AGMO: variants seen among roughly 807,000 people sequenced by gnomAD.
AGMO encodes the protein glyceryl-ether monooxygenase.
A neutral mutation model predicts 60.2 loss-of-function variants in AGMO; 75 were observed. The observed-to-expected ratio is 1.25, with a 90% CI of 1.03 to 1.51. AGMO has a LOEUF of 1.51. Ranked by LOEUF, AGMO falls within the 40% of genes most tolerant of loss-of-function variation. The pLI is 0.00. For synonymous variants in AGMO, 261 were observed against 177.1 expected (o/e 1.47, Z -3.76); for missense variants, 763 against 525.5 (o/e 1.45, Z -4.42).
the AGMO span, among the ~76,000 whole-genome samples, chr7:15,181,245 A>G: frequency 6.6e-6 from 1 of 152,222 alleles, no homozygotes; most frequent in Non-Finnish European, 1.5e-5. Context: ...AGGAGGTATC[A>G]TCTGGCTATT....
intron 12 of AGMO, among the ~76,000 whole-genome samples, chr7:15,349,892 T>G (rs1259748136): frequency 1.3e-5 from 2 of 152,270 alleles, no homozygotes; most frequent in South Asian, 4.1e-4. Context: ...TACCTCTTAC[T>G]GGGTCCCCTC....
chr7:15,153,345 A>C, the AGMO span, among the ~76,000 whole-genome samples: 4 of 152,086 alleles, frequency 2.6e-5, no homozygotes, highest in Non-Finnish European at 4.4e-5. Flanking sequence ...TTTTAGTTTA[A>C]TTAAGTTCCA....
At chr7:15,398,997 A>AAATGATAAT (rs1468335486) in intron 5 of AGMO, among the ~76,000 whole-genome samples, 1 of 152,172 alleles carries the variant, frequency 6.6e-6, no homozygotes, top group Non-Finnish European at 1.5e-5. Context: ...CTTTAATAGA[A>AAATGATAAT]AATGATAATT....
the AGMO span, among the ~76,000 whole-genome samples, chr7:15,168,973 T>C: frequency 7.2e-5 from 11 of 152,212 alleles, no homozygotes; most frequent in African/African-American, 2.7e-4. Context: ...GTTGGATTAA[T>C]GTTTTGACCT....
At chr7:15,469,569 A>G (rs1782390130) in intron 3 of AGMO, among the ~76,000 whole-genome samples, 1 of 152,170 alleles carries the variant, frequency 6.6e-6, no homozygotes, top group East Asian at 1.9e-4. Context: ...GCAAGAGGTC[A>G]TTTGAAATAG....
chr7:15,492,454 A>G (rs1043166605), intron 3 of AGMO, among the ~76,000 whole-genome samples: 2 of 151,958 alleles, frequency 1.3e-5, no homozygotes, highest in Non-Finnish European at 2.9e-5. Context: ...TATGGAGACC[A>G]GAAATAGAAT....
At chr7:15,216,735 A>T (rs1781747907) in intron 12 of AGMO, among the ~76,000 whole-genome samples, 1 of 152,098 alleles carries the variant, frequency 6.6e-6, no homozygotes, top group Non-Finnish European at 1.5e-5. Context: ...TGCTTACTGC[A>T]TGGGAGATTT....
chr7:15,531,817 C>T (rs906790727), intron 3 of AGMO, among the ~76,000 whole-genome samples: 1 of 150,448 alleles, frequency 6.6e-6, no homozygotes, highest in Non-Finnish European at 1.5e-5. Context: ...TACAGGTGCC[C>T]AACACCATGC....
rs913214758 is a variant in AGMO at position 15,519,612 on chromosome 7, A to G, written c.409+25160T>C. ...TTTACAGACAAGCAAATGCTGAGGG[A>G]TTTTGTCACCACCAGGCCTGCCTTA... On this transcript the variant is annotated intron_variant, in intron 3 of 12. Transcript: ENST00000342526. 3.9e-5 allele frequency among the ~76,000 whole-genome samples: 6 copies of G among 152,178 alleles called. 1 individual carries two copies. The highest frequency in any genetic ancestry group is 4.1e-4 in the South Asian group (2 of 4,834).
chr7:15,296,881 T>C (rs996550954), intron 12 of AGMO, among the ~76,000 whole-genome samples: 4 of 152,186 alleles, frequency 2.6e-5, no homozygotes, highest in Non-Finnish European at 5.9e-5. Flanking sequence ...TAGTGTTTTG[T>C]GGTTCTTTCT....
chr7:15,493,601 T>A (rs995358299), intron 3 of AGMO, among the ~76,000 whole-genome samples: 2 of 151,636 alleles, frequency 1.3e-5, no homozygotes, highest in Non-Finnish European at 2.9e-5. Context: ...GGTCTCGATC[T>A]CCTGACCTCG....
intron 12 of AGMO, among the ~76,000 whole-genome samples, chr7:15,353,648 A>G (rs1028834135): frequency 6.6e-6 from 1 of 152,252 alleles, no homozygotes; most frequent in Non-Finnish European, 1.5e-5. Flanking sequence ...TGATGATTGC[A>G]GTATGTGTGA....
intron 3 of AGMO, among the ~76,000 whole-genome samples, chr7:15,455,718 G>A (rs950981441): frequency 6.6e-6 from 1 of 152,034 alleles, no homozygotes; most frequent in Non-Finnish European, 1.5e-5. Context: ...GAATTTTGAA[G>A]GCATTGATAC....
intron 2 of AGMO, among the ~76,000 whole-genome samples, chr7:15,556,538 G>A (rs889789038): frequency 1.3e-5 from 2 of 151,906 alleles, no homozygotes; most frequent in Non-Finnish European, 1.5e-5. Context: ...TCTCTGGGGA[G>A]GATGCAATTT....
intron 12 of AGMO, among the ~76,000 whole-genome samples, chr7:15,344,891 T>G (rs550455710): frequency 6.6e-6 from 1 of 152,194 alleles, no homozygotes; most frequent in Non-Finnish European, 1.5e-5. Flanking sequence ...ATCACATCAG[T>G]TAGATTTATC....
At chr7:15,457,945 A>T (rs986673313) in intron 3 of AGMO, among the ~76,000 whole-genome samples, 8 of 152,172 alleles carry the variant, frequency 5.3e-5, no homozygotes, top group Admixed American at 5.2e-4. Context: ...TTATATGATG[A>T]AATAAAATGG....
chr7:15,222,696 C>T (rs566896352), intron 12 of AGMO, among the ~76,000 whole-genome samples: 3 of 152,114 alleles, frequency 2.0e-5, no homozygotes, highest in African/African-American at 4.8e-5. Flanking sequence ...TTTGGCACTA[C>T]AAATACTTCA....
intron 10 of AGMO, among the ~76,000 whole-genome samples, chr7:15,384,797 T>C (rs994676237): frequency 6.9e-6 from 1 of 144,486 alleles, no homozygotes; most frequent in East Asian, 2.0e-4. Flanking sequence ...AATAAATCTA[T>C]AAAAAATACC....
At chr7:15,125,858 A>G in the AGMO span, among the ~76,000 whole-genome samples, 1 of 152,144 alleles carries the variant, frequency 6.6e-6, no homozygotes, top group African/African-American at 2.4e-5. Context: ...GTCTCTGTGA[A>G]TCTCAATTTT....
Sources: allele counts gnomAD v4.1 joint callset (sites outside exome capture counted in the v4.1 genomes callset), GRCh38; gene constraint gnomAD v4.1.1; transcripts MANE v1.5; gene names NCBI Gene and HGNC (gene_info 2026-07-23, HGNC 2026-07-21).